Variants in FHIT observed in about 807,000 individuals in gnomAD.
FHIT encodes the protein fragile histidine triad diadenosine triphosphatase.
Under a neutral mutation model 17.9 loss-of-function variants are expected in FHIT, and 19 were observed. The observed-to-expected ratio is 1.06, with a 90% CI of 0.74 to 1.56. FHIT has a LOEUF of 1.56. Ranked by LOEUF, FHIT falls within the 40% of genes most tolerant of loss-of-function variation. FHIT has a pLI of 0.00. For synonymous variants in FHIT, 81 were observed against 69.7 expected, an observed-to-expected ratio of 1.16 and a Z score of -0.81; for missense variants, 248 against 189.2, an observed-to-expected ratio of 1.31 and a Z score of -1.82.
rs1052180808 is a variant in FHIT at position 61,014,640 on chromosome 3, C to T, written c.-111+27407G>A. ...TAAAAATACAAAAAAATTAGCCAGG[C>T]GTGGTGGTGGGCACCTGTAGTCCCA... On this transcript the variant is annotated intron_variant, in intron 3 of 9. Coordinates refer to ENST00000492590, the MANE Select transcript of FHIT (RefSeq NM_002012.4). 7.3e-5 allele frequency among the ~76,000 whole-genome samples: 11 copies of T among 150,698 alleles called. 1 individual carries two copies. Among genetic ancestry groups the T allele is most frequent in the African/African-American group, 2.4e-5 (1 of 40,968 alleles).
chr3:60,087,368 T>A (rs1425766232), intron 5 of FHIT, among the ~76,000 whole-genome samples: 1 of 152,190 alleles, frequency 6.6e-6, no homozygotes, highest in African/African-American at 2.4e-5. Context: ...ATCATGCTAA[T>A]CTCTTTAGCA....
chr3:61,061,487 T>C (rs2034427927), intron 2 of FHIT, among the ~76,000 whole-genome samples: 1 of 151,760 alleles, frequency 6.6e-6, no homozygotes, highest in Non-Finnish European at 1.5e-5. Context: ...AAATTTTTAA[T>C]TCTATTTTAT....
At chr3:61,149,540 T>C (rs1475507811) in intron 2 of FHIT, among the ~76,000 whole-genome samples, 1 of 152,164 alleles carries the variant, frequency 6.6e-6, no homozygotes, top group Non-Finnish European at 1.5e-5. Context: ...TACAGTCCTA[T>C]TCTAAAATGA....
intron 5 of FHIT, among the ~76,000 whole-genome samples, chr3:60,295,635 G>T (rs1708172525): frequency 6.6e-6 from 1 of 152,046 alleles, no homozygotes; most frequent in East Asian, 1.9e-4. Context: ...CTAACAGTGG[G>T]GATCAAATTT....
chr3:59,875,326 T>C (rs907572083), intron 8 of FHIT, among the ~76,000 whole-genome samples: 6 of 152,202 alleles, frequency 3.9e-5, no homozygotes, highest in African/African-American at 1.4e-4. Context: ...TACTCACTGT[T>C]GAATGTCTAG....
chr3:59,937,537 C>T lies in FHIT; in HGVS notation c.280-15123G>A, dbSNP rs139236414. The stretch of plus-strand genomic sequence containing the variant: ...GTGTGAATAAATATCTCTGGGCCCA[C>T]GTGCAACATTTTAAAACTGTGCTGT... On this transcript the variant is annotated intron_variant, in intron 7 of 9. Coordinates refer to ENST00000492590, the MANE Select transcript of FHIT (RefSeq NM_002012.4). 1.6e-3 allele frequency among the ~76,000 whole-genome samples: 247 copies of T among 152,276 alleles called. 1 individual carries two copies. Among genetic ancestry groups the T allele is most frequent in the Middle Eastern group, 3.4e-3 (1 of 294 alleles).
At chr3:60,287,530 A>C (rs752985171) in intron 5 of FHIT, among the ~76,000 whole-genome samples, 1 of 152,200 alleles carries the variant, frequency 6.6e-6, no homozygotes, top group African/African-American at 2.4e-5. Context: ...ACAGTTTATT[A>C]GTATTGCTTT....
chr3:60,372,140 T>C (rs1420050965), intron 5 of FHIT, among the ~76,000 whole-genome samples: 1 of 152,138 alleles, frequency 6.6e-6, no homozygotes, highest in Non-Finnish European at 1.5e-5. Context: ...AACAAGAGTG[T>C]TGGAAGAGAT....
chr3:60,365,009 C>A (rs928983257), intron 5 of FHIT, among the ~76,000 whole-genome samples: 3 of 151,476 alleles, frequency 2.0e-5, no homozygotes, highest in Admixed American at 6.6e-5. Context: ...GTACATGAAA[C>A]AATTTCATAT....
chr3:59,756,721 C>A (rs1169100062), intron 8 of FHIT, among the ~76,000 whole-genome samples: 1 of 152,020 alleles, frequency 6.6e-6, no homozygotes, highest in African/African-American at 2.4e-5. Context: ...GGCTGTGAAT[C>A]CTGGAAAAAA....
intron 7 of FHIT, among the ~76,000 whole-genome samples, chr3:59,941,428 CTCTT>C (rs1455025259): frequency 7.2e-5 from 11 of 151,810 alleles, no homozygotes; most frequent in African/African-American, 2.7e-4. Flanking sequence ...TGATCTCTCT[CTCTT>C]TCTCTATCTC....
At chr3:60,702,060 G>C (rs573887210) in intron 4 of FHIT, among the ~76,000 whole-genome samples, 1 of 152,026 alleles carries the variant, frequency 6.6e-6, no homozygotes, top group Non-Finnish European at 1.5e-5. Flanking sequence ...ACAGGGTTTC[G>C]CCATGTTGCC....
chr3:60,873,461 C>G (rs1218659909), intron 3 of FHIT, among the ~76,000 whole-genome samples: 3 of 152,316 alleles, frequency 2.0e-5, no homozygotes, highest in Non-Finnish European at 4.4e-5. Context: ...TTTCCTTCAA[C>G]AGGTTCCTTT....
chr3:60,416,257 T>C (rs573406414), intron 5 of FHIT, among the ~76,000 whole-genome samples: 28 of 152,050 alleles, frequency 1.8e-4, no homozygotes, highest in Non-Finnish European at 3.4e-4. Context: ...AGAGGAGAAA[T>C]AGGTATTCTC....
intron 5 of FHIT, among the ~76,000 whole-genome samples, chr3:60,514,416 G>A (rs539772182): frequency 6.6e-6 from 1 of 152,192 alleles, no homozygotes; most frequent in African/African-American, 2.4e-5. Flanking sequence ...GGCCAGCAGT[G>A]GGCTGAGTAA....
intron 8 of FHIT, among the ~76,000 whole-genome samples, chr3:59,827,149 G>A (rs1432196573): frequency 6.6e-6 from 1 of 152,148 alleles, no homozygotes; most frequent in African/African-American, 2.4e-5. Flanking sequence ...CACCCACTAA[G>A]GCTGTGCCTG....
intron 5 of FHIT, among the ~76,000 whole-genome samples, chr3:60,406,486 C>A (rs139504327): frequency 6.6e-6 from 1 of 152,266 alleles, no homozygotes; most frequent in Non-Finnish European, 1.5e-5. Flanking sequence ...TGCAGGAAAG[C>A]GAAAGAGACA....
chr3:59,794,298 A>T (rs1012155847), intron 8 of FHIT, among the ~76,000 whole-genome samples: 4 of 152,208 alleles, frequency 2.6e-5, no homozygotes, highest in Non-Finnish European at 5.9e-5. Flanking sequence ...TCCTTCTGAA[A>T]TGGCACCAAT....
chr3:60,846,827 T>C (rs1455299592), intron 3 of FHIT, among the ~76,000 whole-genome samples: 3 of 148,068 alleles, frequency 2.0e-5, no homozygotes, highest in Admixed American at 6.8e-5. Context: ...ATAATCTTTC[T>C]TTTTTTTTTT....
Sources: gnomAD v4.1 joint callset for allele counts (sites outside exome capture counted in the v4.1 genomes callset) on GRCh38, gnomAD v4.1.1 for gene constraint, MANE v1.5 for transcripts, NCBI Gene and HGNC (gene_info 2026-07-23, HGNC 2026-07-21) for gene names.